Variants in ALPK2 observed in about 807,000 individuals in gnomAD.
The protein encoded by ALPK2 is alpha kinase 2, also known as alpha-protein kinase 2.
A neutral mutation model predicts 163.1 loss-of-function variants in ALPK2; 127 were observed. That is an observed-to-expected ratio of 0.78 (90% CI 0.67 to 0.90). The LOEUF is 0.90. Ranked by LOEUF, ALPK2 falls within the 40% of genes least tolerant of loss-of-function variation. ALPK2 has a pLI of 0.00. For missense variants in ALPK2, 2,360 were observed against 2,589.6 expected (o/e 0.91, Z 1.92); for synonymous variants, 953 against 959.1 (o/e 0.99, Z 0.12).
In ALPK2 at chr18:58,481,883, T is replaced by C. The variant is rs532674203; in HGVS notation, c.6453A>G (p.Gln2151=). The change falls in exon 13 of 13, where the codon CAA becomes CAG. Residue 2151 remains glutamine (Q), a synonymous_variant. Transcript: ENST00000361673. ...CCTTCTTTATTGTCATAGAGTTTGT[T>C]TGAACTTTGCTTTTCCCAATGCTCG... ...KQPSIGKSKV[Q]TNSMTIKKAG... 6.2e-6 allele frequency: 10 copies of C among 1,614,222 alleles called. No individual in the cohort carries two copies. The South Asian group carries it at 9.9e-5, about 16-fold the overall frequency.
intron 12 of ALPK2, among the ~76,000 whole-genome samples, chr18:58,490,432 G>A (rs1286405491): frequency 3.9e-5 from 6 of 152,170 alleles, no homozygotes; most frequent in Admixed American, 3.3e-4. Context: ...ATCTTGTCAT[G>A]GCCAAGCAAC....
At chr18:58,530,863 C>T (rs139950234) in intron 5 of ALPK2, among the ~76,000 whole-genome samples, 22 of 152,142 alleles carry the variant, frequency 1.4e-4, no homozygotes, top group African/African-American at 2.7e-4. Flanking sequence ...GTAAAGTCCC[C>T]GGTGAATAAA....
At chr18:58,503,110 T>A (rs1602189152) in intron 11 of ALPK2, among the ~76,000 whole-genome samples, 1 of 152,250 alleles carries the variant, frequency 6.6e-6, no homozygotes. Flanking sequence ...CAGGTCTGTC[T>A]TAGGGGAACC....
rs750433470 is a variant in ALPK2 at position 58,616,999 on chromosome 18, G to A, written c.-20-5182C>T. Among the ~76,000 whole-genome samples, 11 of 152,220 alleles carry A rather than the reference G, an allele frequency of 7.2e-5. No homozygotes were observed. The South Asian group carries it at 1.5e-3, about 20-fold the overall frequency. ...GGTGGACAGAGTCAGAACTGAAGCC[G>A]AGAACACCCACCAGTGTCTGCAGCT... On this transcript the variant is annotated intron_variant, in intron 1 of 12. Transcript: ENST00000361673.
chr18:58,536,024 A>G lies in ALPK2; in HGVS notation c.4163T>C (p.Phe1388Ser), dbSNP rs2051644546. Residue 1388 changes from phenylalanine to serine, a missense_variant, in exon 5 of 13, where the codon TTC (phenylalanine) becomes TCC (serine). By Grantham distance (155) the Phe-to-Ser change is radical (BLOSUM62 -2). Transcript: ENST00000361673. Reference protein sequence around the residue: ...EKQLKMDHTAFFKKFLTCPKI... With the variant: ...EKQLKMDHTASFKKFLTCPKI... Reference sequence around the variant, plus strand: ...AGGGCAGGTCAGAAACTTTTTAAAGAAGGCAGTGTGATCCATCTTGAGTTG... The same window carrying G: ...AGGGCAGGTCAGAAACTTTTTAAAGGAGGCAGTGTGATCCATCTTGAGTTG... 6.4e-7 allele frequency: 1 copy of G among 1,571,092 alleles called. No individual in the cohort carries two copies. The highest frequency in any genetic ancestry group is 1.7e-4 in the Middle Eastern group (1 of 5,922).
rs747945619 is a variant in ALPK2, at chr18:58,521,617, TTC to T, written c.5665+2187_5665+2188del. Among the ~76,000 whole-genome samples, 314 of 99,000 alleles carry T rather than the reference TTC, an allele frequency of 3.2e-3. 9 individuals are homozygous for T. Among genetic ancestry groups the T allele is most frequent in the Non-Finnish European group, 3.8e-3 (173 of 45,346 alleles). 64.9% of individuals were successfully genotyped at this position (99,000 alleles called of 152,430 possible). A position where few individuals can be genotyped will look rare whatever the true frequency, so the allele number is the denominator to read the frequency against. On this transcript the variant is annotated intron_variant, in intron 8 of 12. Coordinates refer to ENST00000361673, the MANE Select transcript of ALPK2 (RefSeq NM_052947.4). ...TGCTAGGCCATTTCTTTTTCTTTCT[TTC>T]TCTCTCTCTTTTTTTTTTTTTTTTT...
Position 58,579,314 on chromosome 18 carries a change from C to A in ALPK2, c.1462G>T (p.Asp488Tyr). ...ATCTCTGTCTCTCTTACTGATTCAT[C>A]CATGTTGAGCAGATTGTCACTGGCA... ...EFASDNLLNM[D>Y]ESVRETEMKL... The change falls in exon 4 of 13, where the codon GAT becomes TAT. Residue 488 changes from aspartate (D) to tyrosine (Y), a missense_variant. Transcript: ENST00000361673. The A allele has an allele frequency of 6.2e-7, 1 of 1,614,194 alleles. No homozygotes were observed. Among genetic ancestry groups the A allele is most frequent in the Non-Finnish European group, 8.5e-7 (1 of 1,180,030 alleles).
chr18:58,605,559 T>C (rs556892197), intron 3 of ALPK2, among the ~76,000 whole-genome samples: 21 of 152,326 alleles, frequency 1.4e-4, no homozygotes, highest in African/African-American at 4.8e-4. Context: ...TCATCAATCC[T>C]GAGCAATGAA....
In ALPK2 at chr18:58,571,146, C is replaced by T. The variant is rs1171483574; in HGVS notation, c.1962+7668G>A. 3.9e-5 allele frequency among the ~76,000 whole-genome samples: 6 copies of T among 152,164 alleles called. No individual in the cohort carries two copies. In the East Asian group the frequency reaches 5.8e-4, roughly 15 times the overall value. On this transcript the variant is annotated intron_variant, in intron 4 of 12. Coordinates refer to ENST00000361673, the MANE Select transcript of ALPK2 (RefSeq NM_052947.4). ...AAGCAATTCTCCTACCTCAGCCTCC[C>T]AAGTAGCTGGGATTACAGGCAAGCG...
At chr18:58,542,069 A>G (rs372981293) in intron 4 of ALPK2, among the ~76,000 whole-genome samples, 17 of 152,360 alleles carry the variant, frequency 1.1e-4, no homozygotes, top group Middle Eastern at 3.4e-3. Context: ...AATTGTACTC[A>G]TTCAAGTGAA....
intron 4 of ALPK2, among the ~76,000 whole-genome samples, chr18:58,542,346 A>G (rs1485834420): frequency 6.6e-6 from 1 of 152,250 alleles, no homozygotes; most frequent in Non-Finnish European, 1.5e-5. Flanking sequence ...TTCTCTGTGA[A>G]AAAACAGCAG....
chr18:58,559,812 C>T (rs970015156), intron 4 of ALPK2, among the ~76,000 whole-genome samples: 44 of 152,298 alleles, frequency 2.9e-4, no homozygotes, highest in African/African-American at 9.4e-4. Flanking sequence ...TTCTCTGACA[C>T]CTGAAGTAAA....
intron 9 of ALPK2, among the ~76,000 whole-genome samples, chr18:58,515,519 G>A (rs780603728): frequency 1.1e-4 from 16 of 152,220 alleles, no homozygotes; most frequent in Non-Finnish European, 2.4e-4. Flanking sequence ...CTTAGGAAAA[G>A]CTAAGTGGAT....
chr18:58,522,497 C>G (rs1372100266), intron 8 of ALPK2, among the ~76,000 whole-genome samples: 1 of 152,226 alleles, frequency 6.6e-6, no homozygotes, highest in African/African-American at 2.4e-5. Context: ...CCGGGGACAT[C>G]ACGAGCATTC....
In ALPK2 at chr18:58,535,523, A is replaced by T; in HGVS notation, c.4664T>A (p.Val1555Asp). Residue 1555 changes from valine (V) to aspartate (D), a missense_variant, in exon 5 of 13, where the codon GTT (valine) becomes GAT (aspartate). Coordinates refer to ENST00000361673, the MANE Select transcript of ALPK2 (RefSeq NM_052947.4). ...TTGGCCTGTGGAGTTGTGCGTGTCA[A>T]CCCCAAGAGAAGCGTGAGTCATTAT... is the stretch of plus-strand genomic sequence containing the variant. Reference protein sequence around the residue: ...LPIMTHASLGVDTHNSTGQIH... With the variant: ...LPIMTHASLGDDTHNSTGQIH... 1.9e-6 allele frequency: 3 copies of T among 1,614,164 alleles called. No homozygotes were observed. Among genetic ancestry groups the T allele is most frequent in the Non-Finnish European group, 2.5e-6 (3 of 1,180,004 alleles).
chr18:58,559,325 T>C (rs2051812213), intron 4 of ALPK2, among the ~76,000 whole-genome samples: 1 of 152,128 alleles, frequency 6.6e-6, no homozygotes, highest in Admixed American at 6.5e-5. Context: ...GAACAAAGAA[T>C]TATCTGGCCC....
In ALPK2 at chr18:58,617,598, T is replaced by A. The variant is rs184431036; in HGVS notation, c.-20-5781A>T. On this transcript the variant is annotated intron_variant, in intron 1 of 12. Transcript: ENST00000361673. ...GGTAAAGTCTCCCAGAGGCATCATCTCTCCATCTCAGTTCTCTACCAAGAG... is the reference window on the plus strand; with the variant it reads ...GGTAAAGTCTCCCAGAGGCATCATCACTCCATCTCAGTTCTCTACCAAGAG... Among the ~76,000 whole-genome samples the A allele has an allele frequency of 1.5e-3, 228 of 152,322 alleles. 3 individuals are homozygous for A. The highest frequency in any genetic ancestry group is 5.1e-3 in the African/African-American group (213 of 41,566).
intron 11 of ALPK2, 61 bp downstream of exon 11, chr18:58,503,870 C>A: frequency 6.7e-7 from 1 of 1,502,460 alleles, no homozygotes; most frequent in Non-Finnish European, 9.1e-7. Flanking sequence ...TCCCTCTCCA[C>A]CCACAGGAAC....
chr18:58,577,440 T>G (rs1266195187), intron 4 of ALPK2, among the ~76,000 whole-genome samples: 2 of 152,232 alleles, frequency 1.3e-5, no homozygotes, highest in Non-Finnish European at 2.9e-5. Context: ...AAAAAAGCAC[T>G]TAGCTGAGCA....
Sources: gnomAD v4.1 joint callset for allele counts (sites outside exome capture counted in the v4.1 genomes callset) on GRCh38, gnomAD v4.1.1 for gene constraint, MANE v1.5 for transcripts, NCBI Gene and HGNC (gene_info 2026-07-23, HGNC 2026-07-21) for gene names.